Variants in FBXL17 observed in about 807,000 individuals in gnomAD.
FBXL17 encodes the protein F-box/LRR-repeat protein 17.
Under a neutral mutation model 66.2 loss-of-function variants are expected in FBXL17, and 22 were observed. The observed-to-expected ratio is 0.33, with a 90% CI of 0.24 to 0.47. The LOEUF (loss-of-function observed/expected upper bound fraction) is 0.47. FBXL17 is among the 20% of genes least tolerant of loss of function. The pLI is 1.00. For synonymous variants in FBXL17, 474 were observed against 400.5 expected (o/e 1.18, Z -2.19); for missense variants, 878 against 948.2 (o/e 0.93, Z 0.97).
In FBXL17 at chr5:107,946,255, TTATATA is replaced by T. The variant is rs55643516; in HGVS notation, c.1823-65082_1823-65077del. Among the ~76,000 whole-genome samples, 279 of 40,278 alleles carry T rather than the reference TTATATA, an allele frequency of 6.9e-3. 1 individual carries two copies. Among genetic ancestry groups the T allele is most frequent in the Middle Eastern group, 0.015 (1 of 66 alleles). 26.4% of individuals were successfully genotyped at this position (40,278 alleles called of 152,430 possible). On this transcript the variant is annotated intron_variant, in intron 7 of 8. Transcript: ENST00000542267. ...TATTATTACTTTTATCAATCTCATT[TTATATA>T]TATATATATATATATATATATATAT... is the stretch of plus-strand genomic sequence containing the variant.
intron 6 of FBXL17, among the ~76,000 whole-genome samples, chr5:108,042,308 A>C (rs1467308469): frequency 6.6e-6 from 1 of 152,222 alleles, no homozygotes; most frequent in Non-Finnish European, 1.5e-5. Context: ...GCAAAATTAT[A>C]GTAGAATATC....
chr5:108,330,500 C>G (rs1371930752), intron 4 of FBXL17, among the ~76,000 whole-genome samples: 1 of 152,102 alleles, frequency 6.6e-6, no homozygotes, highest in Non-Finnish European at 1.5e-5. Context: ...TCTAGGCCAA[C>G]TGTTTTATTA....
chr5:108,089,994 A>AT (rs1262868351), intron 6 of FBXL17, among the ~76,000 whole-genome samples: 1 of 151,874 alleles, frequency 6.6e-6, no homozygotes, highest in African/African-American at 2.4e-5. Context: ...TACCCAGCTA[A>AT]TTTTTGCGTT....
At chr5:108,073,000 A>T (rs1330556278) in intron 6 of FBXL17, among the ~76,000 whole-genome samples, 1 of 152,212 alleles carries the variant, frequency 6.6e-6, no homozygotes, top group Non-Finnish European at 1.5e-5. Context: ...ATAGCCTTTT[A>T]AAATTTACAC....
intron 7 of FBXL17, among the ~76,000 whole-genome samples, chr5:107,974,318 T>C (rs982205927): frequency 5.9e-5 from 9 of 152,168 alleles, no homozygotes; most frequent in African/African-American, 1.4e-4. Flanking sequence ...AATAACTTTA[T>C]TGTGAAATGC....
intron 7 of FBXL17, among the ~76,000 whole-genome samples, chr5:107,961,596 G>C (rs1751911008): frequency 1.3e-5 from 2 of 152,080 alleles, no homozygotes; most frequent in South Asian, 4.1e-4. Flanking sequence ...GGGGCAAGGG[G>C]CAAGGACAGA....
Position 107,859,652 on chromosome 5 carries a change from G to C in FBXL17, c.*2068C>G, listed in dbSNP as rs1456529559. The stretch of plus-strand genomic sequence containing the variant: ...TCAATTATACATTCTGAAACCATTT[G>C]ACAACCAAACTGTAACACTCCAAAG... On this transcript the variant is annotated 3_prime_UTR_variant, in exon 9 of 9. Transcript: ENST00000542267. 1 of 142,082 alleles carries C rather than the reference G, an allele frequency of 7.0e-6. No homozygotes were observed. The highest frequency in any genetic ancestry group is 2.1e-4 in the East Asian group (1 of 4,790). 8.8% of individuals were successfully genotyped at this position (142,082 alleles called of 1,614,324 possible). A position where few individuals can be genotyped will look rare whatever the true frequency, so the allele number is the denominator to read the frequency against.
At chr5:108,339,863 T>C (rs1224681015) in intron 4 of FBXL17, among the ~76,000 whole-genome samples, 1 of 152,150 alleles carries the variant, frequency 6.6e-6, no homozygotes, top group African/African-American at 2.4e-5. Context: ...CATTTGGCCA[T>C]CTCCTATCAT....
At chr5:108,310,454 T>A (rs1211968629) in intron 4 of FBXL17, among the ~76,000 whole-genome samples, 1 of 152,206 alleles carries the variant, frequency 6.6e-6, no homozygotes, top group Non-Finnish European at 1.5e-5. Flanking sequence ...TTCTACTTAA[T>A]GATCCCGTCA....
intron 4 of FBXL17, among the ~76,000 whole-genome samples, chr5:108,252,451 TA>T (rs935821997): frequency 1.4e-4 from 21 of 148,878 alleles, no homozygotes; most frequent in African/African-American, 4.7e-4. Context: ...CTATGTTGTT[TA>T]AAAAAAAAAG....
chr5:108,342,508 T>C (rs1746950435), intron 4 of FBXL17, among the ~76,000 whole-genome samples: 1 of 152,186 alleles, frequency 6.6e-6, no homozygotes, highest in Non-Finnish European at 1.5e-5. Flanking sequence ...CTCACAGCAC[T>C]GGTCCATAAG....
chr5:108,286,293 C>T (rs1270326323), intron 4 of FBXL17, among the ~76,000 whole-genome samples: 1 of 151,624 alleles, frequency 6.6e-6, no homozygotes, highest in Non-Finnish European at 1.5e-5. Flanking sequence ...CATAGACAAG[C>T]AATTAGGCAA....
chr5:108,039,799 G>A (rs1202414408), intron 6 of FBXL17, among the ~76,000 whole-genome samples: 5 of 152,088 alleles, frequency 3.3e-5, no homozygotes, highest in African/African-American at 9.6e-5. Context: ...TTTGTTATAG[G>A]TTTAATTTAA....
intron 6 of FBXL17, among the ~76,000 whole-genome samples, chr5:108,093,038 CAATT>C (rs1288154132): frequency 6.6e-6 from 1 of 151,940 alleles, no homozygotes; most frequent in Non-Finnish European, 1.5e-5. Context: ...CAAAATTTAA[CAATT>C]AATATTTTAA....
chr5:108,002,774 A>C (rs1753786038), intron 7 of FBXL17, among the ~76,000 whole-genome samples: 1 of 152,246 alleles, frequency 6.6e-6, no homozygotes, highest in Admixed American at 6.5e-5. Flanking sequence ...ACATAGATGA[A>C]TCTCAAGAAA....
chr5:108,214,017 G>A (rs1249062103), intron 5 of FBXL17, among the ~76,000 whole-genome samples: 1 of 152,124 alleles, frequency 6.6e-6, no homozygotes, highest in Non-Finnish European at 1.5e-5. Context: ...TTCCACGAGT[G>A]GTACCAGTTA....
intron 6 of FBXL17, among the ~76,000 whole-genome samples, chr5:108,133,370 C>A (rs897118042): frequency 6.6e-6 from 1 of 151,944 alleles, no homozygotes; most frequent in Non-Finnish European, 1.5e-5. Context: ...TTTAAATATT[C>A]ATAGTTTATG....
chr5:108,078,953 C>T (rs1416079705), intron 6 of FBXL17, among the ~76,000 whole-genome samples: 1 of 152,118 alleles, frequency 6.6e-6, no homozygotes, highest in East Asian at 1.9e-4. Flanking sequence ...GTTGCTCATG[C>T]TGCAGTGCAG....
chr5:108,305,345 C>A (rs774190397), intron 4 of FBXL17, among the ~76,000 whole-genome samples: 11 of 151,780 alleles, frequency 7.2e-5, no homozygotes, highest in Admixed American at 3.3e-4. Flanking sequence ...GGGAAAGCAT[C>A]AGGGAAGAAT....
Sources: gnomAD v4.1 joint callset for allele counts (sites outside exome capture counted in the v4.1 genomes callset) on GRCh38, gnomAD v4.1.1 for gene constraint, MANE v1.5 for transcripts, NCBI Gene and HGNC (gene_info 2026-07-23, HGNC 2026-07-21) for gene names.